Variants in SV2C observed in about 807,000 individuals in gnomAD.
SV2C encodes the protein solute carrier family 22 member B3.
SV2C carries 49 observed loss-of-function variants against 79.7 expected under a neutral mutation model. The observed-to-expected ratio is 0.61, with a 90% CI of 0.49 to 0.78. The LOEUF is 0.78. Ranked by LOEUF, SV2C falls within the 30% of genes least tolerant of loss-of-function variation. The pLI, the probability that SV2C is intolerant of heterozygous loss-of-function variation, is 0.00. For missense variants in SV2C, 833 were observed against 912.9 expected, an observed-to-expected ratio of 0.91 and a Z score of 1.13; for synonymous variants, 334 against 333.2, an observed-to-expected ratio of 1.00 and a Z score of -0.03.
chr5:76,183,291 C>A (rs939853033), intron 2 of SV2C, among the ~76,000 whole-genome samples: 1 of 151,868 alleles, frequency 6.6e-6, no homozygotes, highest in Non-Finnish European at 1.5e-5. Context: ...TCCCAAAGTG[C>A]TGAGATTACA....
intron 4 of SV2C, among the ~76,000 whole-genome samples, chr5:76,278,969 G>C (rs1747102564): frequency 6.6e-6 from 1 of 152,208 alleles, no homozygotes; most frequent in South Asian, 2.1e-4. Flanking sequence ...CAGAACCTGT[G>C]CAGTGCCATG....
chr5:76,347,029 G>T (rs1376583435), intron 12 of SV2C, among the ~76,000 whole-genome samples: 2 of 152,204 alleles, frequency 1.3e-5, no homozygotes, highest in African/African-American at 4.8e-5. Context: ...AAAGCTCTTG[G>T]TGAGAACTCT....
chr5:75,932,288 C>T, the SV2C span, among the ~76,000 whole-genome samples: 2 of 152,204 alleles, frequency 1.3e-5, no homozygotes, highest in South Asian at 2.1e-4. Context: ...ATTCTAGCTG[C>T]AGAGCTTCAC....
At chr5:76,187,116 T>A (rs1743945843) in intron 2 of SV2C, among the ~76,000 whole-genome samples, 1 of 152,202 alleles carries the variant, frequency 6.6e-6, no homozygotes, top group Admixed American at 6.5e-5. Context: ...GCTTTAATGT[T>A]CTTGATTCCT....
At chr5:75,911,077 T>C in the SV2C span, 1 of 1,348,190 alleles carries the variant, frequency 7.4e-7, no homozygotes, top group Non-Finnish European at 1.1e-6. Flanking sequence ...ATCTGGAACC[T>C]GATGCAGCCC....
In SV2C at chr5:76,266,228, G is replaced by A. The variant is rs528543292; in HGVS notation, c.914-18934G>A. ...TTTTTATTTTATTTTATTTTATTGAGATGGAGTCTCACTCTGTCACCCAGG... is the reference window on the plus strand; with the variant it reads ...TTTTTATTTTATTTTATTTTATTGAAATGGAGTCTCACTCTGTCACCCAGG... On this transcript the variant is annotated intron_variant, in intron 4 of 12. Coordinates refer to ENST00000502798, the MANE Select transcript of SV2C (RefSeq NM_014979.4). Among the ~76,000 whole-genome samples the A allele has an allele frequency of 1.2e-4, 18 of 152,228 alleles. No individual in the cohort carries two copies. In the South Asian group the frequency reaches 1.7e-3, roughly 14 times the overall value.
the SV2C span, among the ~76,000 whole-genome samples, chr5:76,053,760 G>A: frequency 1.3e-5 from 2 of 152,078 alleles, no homozygotes; most frequent in African/African-American, 4.8e-5. Flanking sequence ...ATCTTGAAGA[G>A]ATTACTGGAT....
At chr5:76,049,027 A>AAAGAAAGAAAG in the SV2C span, among the ~76,000 whole-genome samples, 51 of 41,116 alleles carry the variant, frequency 1.2e-3, no homozygotes, top group African/African-American at 3.0e-3. Flanking sequence ...AAGAAAGAAA[A>AAAGAAAGAAAG]AGAAAAGAGG....
chr5:75,970,335 G>A, the SV2C span, among the ~76,000 whole-genome samples: 2 of 152,082 alleles, frequency 1.3e-5, no homozygotes, highest in African/African-American at 4.8e-5. Flanking sequence ...GAGCAGAACT[G>A]AAGGCAATAG....
the SV2C span, among the ~76,000 whole-genome samples, chr5:75,872,073 GAATATATATGAT>G: frequency 0.014 from 2,046 of 145,696 alleles, 40 homozygotes; most frequent in African/African-American, 0.047. Context: ...ACATATATAT[GAATATATATGAT>G]AATATATATG....
At chr5:75,920,566 T>C in the SV2C span, 1 of 487,086 alleles carries the variant, frequency 2.1e-6, no homozygotes, top group Non-Finnish European at 3.6e-6. Flanking sequence ...CATGGCTGGC[T>C]GGATTGGATC....
intron 2 of SV2C, 44 bp downstream of exon 2, chr5:76,132,374 T>A (rs1400275089): frequency 1.3e-6 from 2 of 1,532,644 alleles, no homozygotes; most frequent in Non-Finnish European, 1.8e-6. Flanking sequence ...AACTGGCTTA[T>A]TTGTTAAGCA....
At chr5:76,120,449 G>A (rs1229739166) in intron 1 of SV2C, among the ~76,000 whole-genome samples, 3 of 146,874 alleles carry the variant, frequency 2.0e-5, no homozygotes, top group African/African-American at 5.3e-5. Context: ...CATGTGCCAT[G>A]CTGGTATGCT....
the SV2C span, chr5:75,921,500 G>T: frequency 1.2e-6 from 1 of 801,754 alleles, no homozygotes; most frequent in African/African-American, 1.7e-5. Context: ...TAGGGTTCTT[G>T]CAATGGCCAG....
intron 3 of SV2C, among the ~76,000 whole-genome samples, chr5:76,199,325 T>C (rs1223727769): frequency 6.6e-6 from 1 of 152,148 alleles, no homozygotes; most frequent in African/African-American, 2.4e-5. Context: ...TGGGAATGTT[T>C]CTTTTGTGGG....
At chr5:75,851,685 G>C in the SV2C span, among the ~76,000 whole-genome samples, 1 of 151,980 alleles carries the variant, frequency 6.6e-6, no homozygotes, top group Non-Finnish European at 1.5e-5. Flanking sequence ...CTGTCACCCA[G>C]GCTGGAGTGC....
At chr5:75,989,286 C>T in the SV2C span, among the ~76,000 whole-genome samples, 1 of 151,852 alleles carries the variant, frequency 6.6e-6, no homozygotes, top group Non-Finnish European at 1.5e-5. Context: ...AGCTATTCTT[C>T]TTGATGCTGT....
chr5:76,281,325 TA>T (rs1747187498), intron 4 of SV2C: 1 of 391,864 alleles, frequency 2.6e-6, no homozygotes, highest in Non-Finnish European at 5.0e-6. Context: ...GGACGGAAGT[TA>T]AGATCTGATT....
chr5:76,172,434 C>T (rs1580327375), intron 2 of SV2C, among the ~76,000 whole-genome samples: 2 of 85,158 alleles, frequency 2.3e-5, no homozygotes, highest in East Asian at 6.7e-4. Context: ...GGGGGTCAGC[C>T]CCCCCGCCCA....
Sources: gnomAD v4.1 joint callset for allele counts (sites outside exome capture counted in the v4.1 genomes callset) on GRCh38, gnomAD v4.1.1 for gene constraint, MANE v1.5 for transcripts, NCBI Gene and HGNC (gene_info 2026-07-23, HGNC 2026-07-21) for gene names.